Variants in CCBE1 observed in about 807,000 individuals in gnomAD.
CCBE1 encodes the protein collagen and calcium-binding EGF domain-containing protein 1.
CCBE1 carries 37 observed loss-of-function variants against 50.0 expected under a neutral mutation model. The observed-to-expected ratio is 0.74, with a 90% confidence interval of 0.57 to 0.97. CCBE1 has a LOEUF of 0.97. Among genes scored for constraint, CCBE1 ranks in the 50% least tolerant of loss-of-function variants. CCBE1 has a pLI of 0.00. For synonymous variants in CCBE1, 234 were observed against 203.7 expected, an observed-to-expected ratio of 1.15 and a Z score of -1.27; for missense variants, 538 against 523.8, an observed-to-expected ratio of 1.03 and a Z score of -0.26.
intron 2 of CCBE1, among the ~76,000 whole-genome samples, chr18:59,517,456 G>A (rs984349264): frequency 3.9e-5 from 6 of 152,180 alleles, no homozygotes; most frequent in Admixed American, 3.3e-4. Flanking sequence ...CTCTGTTTCA[G>A]ATAAAAATTC....
intron 5 of CCBE1, among the ~76,000 whole-genome samples, chr18:59,466,002 C>T (rs975660771): frequency 6.6e-6 from 1 of 152,128 alleles, no homozygotes; most frequent in Admixed American, 6.6e-5. Context: ...AACTTATATT[C>T]TCTTCCCTAG....
intron 5 of CCBE1, chr18:59,455,356 G>A: frequency 2.9e-6 from 1 of 343,498 alleles, no homozygotes; most frequent in South Asian, 2.3e-5. Context: ...GCAGGCACTG[G>A]GCCTCAAAGC....
intron 2 of CCBE1, among the ~76,000 whole-genome samples, chr18:59,625,770 G>A (rs2053775283): frequency 1.3e-5 from 2 of 152,060 alleles, no homozygotes; most frequent in Admixed American, 1.3e-4. Context: ...CAAAATTCAT[G>A]TGTTGAAACT....
intron 7 of CCBE1, among the ~76,000 whole-genome samples, chr18:59,444,880 T>C (rs1365351978): frequency 6.6e-6 from 1 of 152,214 alleles, no homozygotes; most frequent in African/African-American, 2.4e-5. Context: ...CAAGTCCTTT[T>C]CCCATCTTTT....
chr18:59,518,967 C>G (rs1451421361), intron 2 of CCBE1, among the ~76,000 whole-genome samples: 1 of 152,186 alleles, frequency 6.6e-6, no homozygotes, highest in African/African-American at 2.4e-5. Flanking sequence ...CTCCAGAAAC[C>G]CACAGAAGTA....
At chr18:59,640,302 G>C (rs915164857) in intron 2 of CCBE1, among the ~76,000 whole-genome samples, 5 of 152,136 alleles carry the variant, frequency 3.3e-5, no homozygotes, top group Non-Finnish European at 5.9e-5. Context: ...CAATGGAACA[G>C]AATAGAGAGC....
At chr18:59,627,715 G>A (rs148983979) in intron 2 of CCBE1, among the ~76,000 whole-genome samples, 80 of 152,258 alleles carry the variant, frequency 5.3e-4, no homozygotes, top group African/African-American at 1.6e-3. Flanking sequence ...ACCCCCAGAC[G>A]CTGGAAGCAG....
chr18:59,613,618 G>A (rs1213892816), intron 2 of CCBE1, among the ~76,000 whole-genome samples: 1 of 152,012 alleles, frequency 6.6e-6, no homozygotes, highest in East Asian at 1.9e-4. Context: ...TCAATATAGA[G>A]GCCAGGCACA....
At chr18:59,497,147 T>A (rs1913393319) in intron 2 of CCBE1, among the ~76,000 whole-genome samples, 2 of 152,206 alleles carry the variant, frequency 1.3e-5, no homozygotes, top group Admixed American at 6.5e-5. Flanking sequence ...GCTATTATTA[T>A]CATCTCCTGT....
rs778723385 is a variant in CCBE1, at chr18:59,471,020, C to T, written c.266-1413G>A. Among the ~76,000 whole-genome samples, 54 of 152,356 alleles carry T rather than the reference C, an allele frequency of 3.5e-4. 1 individual carries two copies. Among genetic ancestry groups the T allele is most frequent in the Admixed American group, 1.3e-4 (2 of 15,294 alleles). Reference sequence around the variant, plus strand: ...ACTGTCTCTGGCTACACGTTTCCCCCACTTGGCATCGCCTCTAGGCAGCCA... The same window carrying T: ...ACTGTCTCTGGCTACACGTTTCCCCTACTTGGCATCGCCTCTAGGCAGCCA... On this transcript the variant is annotated intron_variant, in intron 3 of 10. Coordinates refer to ENST00000439986, the MANE Select transcript of CCBE1 (RefSeq NM_133459.4).
intron 2 of CCBE1, among the ~76,000 whole-genome samples, chr18:59,597,998 A>G (rs2053379427): frequency 6.6e-6 from 1 of 152,180 alleles, no homozygotes; most frequent in Non-Finnish European, 1.5e-5. Flanking sequence ...GAGGGAGAGA[A>G]GAAAGAAAGG....
At chr18:59,515,332 TA>T (rs1242114028) in intron 2 of CCBE1, among the ~76,000 whole-genome samples, 2 of 152,240 alleles carry the variant, frequency 1.3e-5, no homozygotes, top group Non-Finnish European at 2.9e-5. Flanking sequence ...ATCTATTTAT[TA>T]AATGCCTACT....
chr18:59,455,088 T>G (rs1911125256), intron 5 of CCBE1, 137 bp from the exon 6 acceptor site: 1 of 730,920 alleles, frequency 1.4e-6, no homozygotes, highest in African/African-American at 1.7e-5. Context: ...GTGGGTGATT[T>G]TACAGCTCTC....
rs57217059 is a variant in CCBE1, at chr18:59,522,993, CAAAAAA to C, written c.213-42761_213-42756del. 1.7e-4 allele frequency among the ~76,000 whole-genome samples: 15 copies of C among 89,222 alleles called. 1 individual carries two copies. The highest frequency in any genetic ancestry group is 9.6e-4 in the South Asian group (2 of 2,090). The allele number at this position is 89,222 out of a possible 152,430, so 58.5% of individuals were successfully genotyped here. On this transcript the variant is annotated intron_variant, in intron 2 of 10. Coordinates refer to ENST00000439986, the MANE Select transcript of CCBE1 (RefSeq NM_133459.4). ...GGCAACAGAGTGAGAGACTCTGTTT[CAAAAAA>C]AAAAAAAAAAAAAATTCTCAATGTT... is the stretch of plus-strand genomic sequence containing the variant.
chr18:59,550,872 G>A (rs1359541678), intron 2 of CCBE1, among the ~76,000 whole-genome samples: 1 of 151,474 alleles, frequency 6.6e-6, no homozygotes, highest in Non-Finnish European at 1.5e-5. Context: ...GGGCGTGGTG[G>A]TGGGCGGCTG....
intron 2 of CCBE1, among the ~76,000 whole-genome samples, chr18:59,505,641 T>C (rs572528229): frequency 1.3e-5 from 2 of 152,316 alleles, no homozygotes; most frequent in African/African-American, 2.4e-5. Context: ...TAAAATAATT[T>C]ATAAAGACAT....
intron 2 of CCBE1, among the ~76,000 whole-genome samples, chr18:59,532,655 C>T (rs2144357698): frequency 6.6e-6 from 1 of 152,342 alleles, no homozygotes; most frequent in Middle Eastern, 3.4e-3. Context: ...ACTGAAGAAA[C>T]ATTCTTGCAG....
chr18:59,494,003 T>C (rs1201856324), intron 2 of CCBE1, among the ~76,000 whole-genome samples: 2 of 152,206 alleles, frequency 1.3e-5, no homozygotes, highest in Non-Finnish European at 2.9e-5. Context: ...TCCACCATGA[T>C]TGTGAGGCCT....
intron 2 of CCBE1, among the ~76,000 whole-genome samples, chr18:59,543,846 A>AACAG (rs1555690343): frequency 5.0e-5 from 7 of 140,642 alleles, no homozygotes; most frequent in Non-Finnish European, 7.6e-5. Flanking sequence ...AAAAAAAAAA[A>AACAG]AAAAAAAAAA....
Sources: allele counts gnomAD v4.1 joint callset (sites outside exome capture counted in the v4.1 genomes callset), GRCh38; gene constraint gnomAD v4.1.1; transcripts MANE v1.5; gene names NCBI Gene and HGNC (gene_info 2026-07-23, HGNC 2026-07-21).